Variants in TMCO1 observed in about 807,000 individuals in gnomAD.
The protein encoded by TMCO1 is transmembrane and coiled-coil domains 1, also known as calcium load-activated calcium channel.
A neutral mutation model predicts 29.3 loss-of-function variants in TMCO1; 29 were observed. The ratio of observed to expected loss-of-function variants is 0.99; its 90% CI spans 0.74 to 1.35. The LOEUF (loss-of-function observed/expected upper bound fraction) is 1.35, where lower values mean the gene tolerates loss of function less well. TMCO1 is among the 40% of genes most tolerant of loss of function. The pLI, the probability that TMCO1 is intolerant of heterozygous loss-of-function variation, is 0.00. For missense variants in TMCO1, 173 were observed against 225.5 expected (o/e 0.77, Z 1.49); for synonymous variants, 80 against 77.1 (o/e 1.04, Z -0.20).
chr1:165,757,499 A>G (rs768026375), intron 3 of TMCO1, among the ~76,000 whole-genome samples: 77 of 152,238 alleles, frequency 5.1e-4, no homozygotes, highest in Admixed American at 4.5e-3. Flanking sequence ...CTTCATAAAT[A>G]CTACTTCCTT....
intron 3 of TMCO1, among the ~76,000 whole-genome samples, chr1:165,754,679 T>C (rs1379250142): frequency 1.3e-5 from 2 of 152,212 alleles, no homozygotes; most frequent in African/African-American, 4.8e-5. Context: ...AAATGGCATA[T>C]AGTCTAAAAT....
At chr1:165,754,157 A>G in intron 4 of TMCO1, 71 bp downstream of exon 4, 1 of 1,314,020 alleles carries the variant, frequency 7.6e-7, no homozygotes. Flanking sequence ...AGTGCAATGC[A>G]CTTGATGTAA....
At chr1:165,724,986 TTC>T (rs61515012), downstream of TMCO1, 9,627 of 371,728 alleles carry the variant, frequency 0.026, 13 homozygotes, top group South Asian at 0.04. Flanking sequence ...TATTCTCTCT[TTC>T]TCTCTCTCTC....
At chr1:165,744,390 C>T (rs1342368762) in intron 5 of TMCO1, among the ~76,000 whole-genome samples, 9 of 152,138 alleles carry the variant, frequency 5.9e-5, no homozygotes, top group Admixed American at 5.9e-4. Flanking sequence ...ATCTCAGAAA[C>T]CACTAAGCTC....
intron 6 of TMCO1, among the ~76,000 whole-genome samples, chr1:165,741,706 G>A (rs1558033583): frequency 6.6e-6 from 1 of 152,174 alleles, no homozygotes; most frequent in Non-Finnish European, 1.5e-5. Context: ...GTTTGAATCT[G>A]TGTCCCCATC....
At chr1:165,734,793 G>C (rs1032028838) in intron 6 of TMCO1, among the ~76,000 whole-genome samples, 1 of 152,106 alleles carries the variant, frequency 6.6e-6, no homozygotes, top group Non-Finnish European at 1.5e-5. Flanking sequence ...GTGAGCCACC[G>C]CGCTCGGCCC....
chr1:165,739,027 C>A (rs1651488724), intron 6 of TMCO1, among the ~76,000 whole-genome samples: 1 of 152,096 alleles, frequency 6.6e-6, no homozygotes, highest in African/African-American at 2.4e-5. Flanking sequence ...TTTGCATACA[C>A]CTGGACAAGT....
intron 3 of TMCO1, among the ~76,000 whole-genome samples, chr1:165,754,572 C>T (rs1210470557): frequency 6.6e-6 from 1 of 152,036 alleles, no homozygotes; most frequent in Non-Finnish European, 1.5e-5. Context: ...AAGGGAATTG[C>T]CAATCAGTTA....
chr1:165,768,180 T>A lies in TMCO1; in HGVS notation c.148+12A>T. ...CGTGTTGAAATTATTTCTAATGTGT[T>A]GCCATACTCACATTTTTTACTCTGT... On this transcript the variant is annotated intron_variant, in intron 2 of 6. Coordinates refer to ENST00000367881, the MANE Select transcript of TMCO1 (RefSeq NM_019026.6). 1 of 1,601,762 alleles carries A rather than the reference T, an allele frequency of 6.2e-7. No homozygotes were observed. The highest frequency in any genetic ancestry group is 1.1e-5 in the South Asian group (1 of 90,846).
intron 1 of TMCO1, 67 bp downstream of exon 1, chr1:165,768,615 G>A: frequency 5.0e-6 from 8 of 1,612,222 alleles, no homozygotes; most frequent in Non-Finnish European, 5.9e-6. Context: ...TCCCCTGGTG[G>A]CACAGGGGAC....
chr1:165,766,312 C>A (rs992027538), intron 2 of TMCO1, among the ~76,000 whole-genome samples: 1 of 152,034 alleles, frequency 6.6e-6, no homozygotes, highest in East Asian at 1.9e-4. Context: ...CAAATTGATG[C>A]GTGGATATAT....
At chr1:165,746,942 G>A (rs1425045715) in intron 5 of TMCO1, among the ~76,000 whole-genome samples, 1 of 152,240 alleles carries the variant, frequency 6.6e-6, no homozygotes, top group Non-Finnish European at 1.5e-5. Context: ...TCAGGAAGAT[G>A]TCCAATTAGA....
chr1:165,744,087 T>A (rs1651701670), intron 5 of TMCO1, among the ~76,000 whole-genome samples: 1 of 152,062 alleles, frequency 6.6e-6, no homozygotes, highest in Non-Finnish European at 1.5e-5. Context: ...CTCGATCTCT[T>A]GACCTCATGA....
At chr1:165,744,049 A>G (rs1037009292) in intron 5 of TMCO1, among the ~76,000 whole-genome samples, 2 of 152,002 alleles carry the variant, frequency 1.3e-5, no homozygotes, top group Non-Finnish European at 1.5e-5. Context: ...TAGTAGAGAC[A>G]GGGTTTCACG....
At chr1:165,743,138 C>T in intron 6 of TMCO1, 29 bp downstream of exon 6, 1 of 1,612,646 alleles carries the variant, frequency 6.2e-7, no homozygotes, top group Non-Finnish European at 8.5e-7. Flanking sequence ...GAAAAATATA[C>T]ATATTAAATG....
chr1:165,760,081 A>G (rs1652343925), intron 2 of TMCO1, among the ~76,000 whole-genome samples: 1 of 152,192 alleles, frequency 6.6e-6, no homozygotes, highest in Non-Finnish European at 1.5e-5. Flanking sequence ...CAATTACAGT[A>G]ATGTGACAAG....
chr1:165,768,386 T>C (rs1411686333), intron 1 of TMCO1, 117 bp from the exon 2 acceptor site: 6 of 1,490,590 alleles, frequency 4.0e-6, no homozygotes, highest in Non-Finnish European at 4.6e-6. Context: ...TTACCCATAG[T>C]TAACTTTTTT....
intron 4 of TMCO1, 145 bp from the exon 5 acceptor site, chr1:165,752,314 G>A: frequency 1.5e-6 from 1 of 658,940 alleles, no homozygotes; most frequent in African/African-American, 1.9e-5. Context: ...GAGTACAGTG[G>A]CGCAATCTCG....
downstream of TMCO1, chr1:165,725,016 C>CTATA (rs1650803498): frequency 1.2e-5 from 2 of 160,358 alleles, no homozygotes; most frequent in African/African-American, 6.3e-5. Context: ...CTCTCTCTCT[C>CTATA]TCTCTCTCTA....
Sources: gnomAD v4.1 joint callset for allele counts (sites outside exome capture counted in the v4.1 genomes callset) on GRCh38, gnomAD v4.1.1 for gene constraint, MANE v1.5 for transcripts, NCBI Gene and HGNC (gene_info 2026-07-23, HGNC 2026-07-21) for gene names.